The following LRRC1 variants were observed in gnomAD, a reference collection of about 807,000 sequenced individuals.
LRRC1 encodes leucine-rich repeat-containing protein 1.
In LRRC1, 28 loss-of-function variants were observed where a neutral mutation model predicts 69.9. That is an observed-to-expected ratio of 0.40 (90% CI 0.30 to 0.55). The LOEUF is 0.55. Among genes scored for constraint, LRRC1 ranks in the 20% least tolerant of loss-of-function variants. The probability of loss-of-function intolerance (pLI) is 0.47; values close to 1 mark genes in which losing one functional copy is unlikely to be tolerated. For synonymous variants in LRRC1, 236 were observed against 240.2 expected (o/e 0.98, Z 0.16); for missense variants, 498 against 609.0 (o/e 0.82, Z 1.92).
chr6:53,860,089 A>G (rs1050519951), intron 2 of LRRC1, among the ~76,000 whole-genome samples: 2 of 152,236 alleles, frequency 1.3e-5, no homozygotes, highest in Non-Finnish European at 2.9e-5. Context: ...TTGATCCAGT[A>G]TCCCACAGTA....
chr6:53,884,628 TC>T (rs1168132514), intron 4 of LRRC1, among the ~76,000 whole-genome samples: 1 of 152,160 alleles, frequency 6.6e-6, no homozygotes, highest in Non-Finnish European at 1.5e-5. Context: ...TACTCTCCCT[TC>T]CATTCATTCT....
rs755158851 is a variant in LRRC1 at position 53,922,798 on chromosome 6, T to TC, written c.*6dup. 4.3e-6 allele frequency: 7 copies of TC among 1,611,468 alleles called. No individual in the cohort carries two copies. Among genetic ancestry groups the TC allele is most frequent in the Non-Finnish European group, 5.1e-6 (6 of 1,178,374 alleles). ...CGAGTGACCACTTCTGTGTAGAGTTTCACCTCCAAGTTTTACCTCCTGTGT... is the reference window on the plus strand; with the variant it reads ...CGAGTGACCACTTCTGTGTAGAGTTTCCACCTCCAAGTTTTACCTCCTGTGT... On this transcript the variant is annotated 3_prime_UTR_variant, in exon 14 of 14. Transcript: ENST00000370888.
chr6:53,891,431 T>C (rs1025729541), intron 4 of LRRC1, among the ~76,000 whole-genome samples: 6 of 150,998 alleles, frequency 4.0e-5, no homozygotes, highest in African/African-American at 1.5e-4. Flanking sequence ...AATACTGGTA[T>C]GTACAAATAA....
chr6:53,811,416 T>C (rs1200171530), intron 1 of LRRC1, among the ~76,000 whole-genome samples: 2 of 152,212 alleles, frequency 1.3e-5, no homozygotes, highest in Non-Finnish European at 2.9e-5. Flanking sequence ...AGATAATATG[T>C]CATTAGTCAT....
intron 10 of LRRC1, among the ~76,000 whole-genome samples, chr6:53,909,555 A>G (rs1422551723): frequency 6.6e-6 from 1 of 151,664 alleles, no homozygotes; most frequent in Non-Finnish European, 1.5e-5. Flanking sequence ...TTTCCTGTGC[A>G]TGTATGTTTA....
At chr6:53,879,109 G>A (rs1467716900) in intron 3 of LRRC1, 38 bp downstream of exon 3, 1 of 1,457,954 alleles carries the variant, frequency 6.9e-7, no homozygotes, top group Admixed American at 1.7e-5. Context: ...ATACTAGTAA[G>A]AGTATCTTTT....
At chr6:53,797,328 T>A (rs1171258993) in intron 1 of LRRC1, among the ~76,000 whole-genome samples, 5 of 152,226 alleles carry the variant, frequency 3.3e-5, no homozygotes, top group African/African-American at 1.2e-4. Flanking sequence ...CTAACAGCTG[T>A]TAAATTAGTA....
At chr6:53,804,521 T>C (rs1764584479) in intron 1 of LRRC1, among the ~76,000 whole-genome samples, 1 of 152,254 alleles carries the variant, frequency 6.6e-6, no homozygotes, top group African/African-American at 2.4e-5. Context: ...GCTTGTTCTT[T>C]TTACTTAACA....
In LRRC1 at chr6:53,795,402, G is replaced by A. The variant is rs372369456; in HGVS notation, c.146G>A (p.Arg49His). Reference sequence around the variant, plus strand: ...CTGCTGCTGGACGCCAACCAGCTCCGCGAGCTGCCCGAGGTAAGGGTCCGG... The same window carrying A: ...CTGCTGCTGGACGCCAACCAGCTCCACGAGCTGCCCGAGGTAAGGGTCCGG... The part of the protein sequence containing the change: ...EELLLDANQL[R>H]ELPEQFFQLV... The change falls in exon 1 of 14, where the codon CGC (arginine) becomes CAC (histidine). Residue 49 changes from arginine to histidine, a missense_variant. Coordinates refer to ENST00000370888, the MANE Select transcript of LRRC1 (RefSeq NM_018214.5). 6.2e-7 allele frequency: 1 copy of A among 1,612,152 alleles called. No homozygotes were observed. The highest frequency in any genetic ancestry group is 8.5e-7 in the Non-Finnish European group (1 of 1,179,790).
intron 4 of LRRC1, among the ~76,000 whole-genome samples, chr6:53,895,062 C>T (rs1012982795): frequency 4.6e-5 from 7 of 151,842 alleles, no homozygotes; most frequent in Non-Finnish European, 1.0e-4. Flanking sequence ...GGACTACAGG[C>T]GCCCGCCACC....
chr6:53,878,876 A>G (rs910372335), intron 2 of LRRC1, 117 bp from the exon 3 acceptor site: 13 of 619,612 alleles, frequency 2.1e-5, no homozygotes, highest in Non-Finnish European at 3.7e-5. Context: ...AGTCTAGGTC[A>G]TGTTTGAATG....
intron 2 of LRRC1, among the ~76,000 whole-genome samples, chr6:53,872,598 A>C (rs1474678696): frequency 6.6e-6 from 1 of 151,594 alleles, no homozygotes; most frequent in Non-Finnish European, 1.5e-5. Context: ...CTTTAGCATT[A>C]CTTTGGCTTT....
chr6:53,865,947 C>G (rs1019115990), intron 2 of LRRC1, among the ~76,000 whole-genome samples: 1 of 152,010 alleles, frequency 6.6e-6, no homozygotes, highest in Non-Finnish European at 1.5e-5. Flanking sequence ...CTTTCGACCT[C>G]CTGACATTGT....
chr6:53,863,966 G>C (rs915192648), intron 2 of LRRC1, among the ~76,000 whole-genome samples: 1 of 151,064 alleles, frequency 6.6e-6, no homozygotes, highest in Non-Finnish European at 1.5e-5. Context: ...CTGTGTCTCC[G>C]ACTAGAATTT....
rs77467048 is a variant in LRRC1 at position 53,916,963 on chromosome 6, T to C, written c.1107-2535T>C. 2.5e-3 allele frequency among the ~76,000 whole-genome samples: 377 copies of C among 152,292 alleles called. 1 individual carries two copies. The highest frequency in any genetic ancestry group is 9.5e-3 in the East Asian group (49 of 5,182). The stretch of plus-strand genomic sequence containing the variant: ...TTGGTGTGAATAGTAACCACAAGTT[T>C]TTTATTTCTGGGGGCATGTGGTCCT... On this transcript the variant is annotated intron_variant, in intron 11 of 13. Transcript: ENST00000370888.
intron 1 of LRRC1, among the ~76,000 whole-genome samples, chr6:53,829,202 C>T (rs976002833): frequency 6.6e-6 from 1 of 152,164 alleles, no homozygotes; most frequent in Admixed American, 6.5e-5. Context: ...GGCACAGACA[C>T]ATCTATGTAA....
At chr6:53,920,578 A>G (rs755141883) in intron 12 of LRRC1, 47 bp from the exon 13 acceptor site, 90 of 1,612,604 alleles carry the variant, frequency 5.6e-5, no homozygotes, top group Middle Eastern at 1.6e-4. Flanking sequence ...GCATTTACTG[A>G]TCACATGAAA....
chr6:53,798,600 C>T (rs779077379), intron 1 of LRRC1, among the ~76,000 whole-genome samples: 4 of 152,252 alleles, frequency 2.6e-5, no homozygotes, highest in East Asian at 1.9e-4. Context: ...AGGATGGTCT[C>T]GATCTCCTGA....
intron 1 of LRRC1, among the ~76,000 whole-genome samples, chr6:53,798,033 A>G (rs891811588): frequency 6.6e-5 from 10 of 152,194 alleles, no homozygotes; most frequent in African/African-American, 2.4e-4. Flanking sequence ...ATTATTTACA[A>G]GTTATTGGGA....
Sources: gnomAD v4.1 joint callset for allele counts (sites outside exome capture counted in the v4.1 genomes callset) on GRCh38, gnomAD v4.1.1 for gene constraint, MANE v1.5 for transcripts, NCBI Gene and HGNC (gene_info 2026-07-23, HGNC 2026-07-21) for gene names.